Variants in IGF2R observed in about 807,000 individuals in gnomAD.
The protein encoded by IGF2R is insulin like growth factor 2 receptor.
Under a neutral mutation model 270.6 loss-of-function variants are expected in IGF2R, and 91 were observed. The observed-to-expected ratio is 0.34, with a 90% CI of 0.28 to 0.40. The LOEUF is 0.40. IGF2R is among the 10% of genes least tolerant of loss of function. The probability of loss-of-function intolerance (pLI) is 1.00; values close to 1 mark genes in which losing one functional copy is unlikely to be tolerated. For synonymous variants in IGF2R, 1,316 were observed against 1,258.9 expected (o/e 1.05, Z -0.96); for missense variants, 2,805 against 3,188.3 (o/e 0.88, Z 2.90).
intron 39 of IGF2R, among the ~76,000 whole-genome samples, chr6:160,081,511 G>A (rs1048410418): frequency 6.6e-6 from 1 of 152,220 alleles, no homozygotes; most frequent in Non-Finnish European, 1.5e-5. Flanking sequence ...ATGTCCCACT[G>A]TGCACACATT....
chr6:160,004,360 G>A lies in IGF2R; in HGVS notation c.290-4650G>A, dbSNP rs553087167. The A allele has an allele frequency of 1.3e-4, 20 of 152,594 alleles. 1 individual carries two copies. The highest frequency in any genetic ancestry group is 4.6e-4 in the African/African-American group (19 of 41,588). The allele number at this position is 152,594 out of a possible 1,614,324, so 9.5% of individuals were successfully genotyped here. A position where few individuals can be genotyped will look rare whatever the true frequency, so the allele number is the denominator to read the frequency against. On this transcript the variant is annotated intron_variant, in intron 2 of 47. Transcript: ENST00000356956. The surrounding 1 kb of genome is among the most constrained non-coding windows in gnomAD (Gnocchi z 5.2). The stretch of plus-strand genomic sequence containing the variant: ...ACCATGGGCTTGCTTGGGCTTGGAG[G>A]TGCGACCTGGTGGGCCTGCAGAATG...
intron 12 of IGF2R, among the ~76,000 whole-genome samples, chr6:160,043,718 C>T (rs1339915598): frequency 6.6e-6 from 1 of 152,214 alleles, no homozygotes; most frequent in African/African-American, 2.4e-5. Context: ...GCTTCGCTTC[C>T]TTTTGCTGTC....
chr6:160,060,636 G>C lies in IGF2R; in HGVS notation c.3181G>C (p.Gly1061Arg). The change falls in exon 23 of 48, where the codon GGG becomes CGG. Residue 1061 changes from glycine to arginine, a missense_variant. Gly to Arg is a moderately radical substitution (Grantham distance 125). This residue lies in a region of IGF2R where 1,851 missense variants were observed against 2,207.2 expected (regional missense o/e 0.84). Coordinates refer to ENST00000356956, the MANE Select transcript of IGF2R (RefSeq NM_000876.4). ...ATTCCTGCATCAAGATATCGACTCT[G>C]GGCAAGGGATCCGAAACACTTACTT... ...LKFLHQDIDS[G>R]QGIRNTYFEF... The C allele has an allele frequency of 1.2e-6, 2 of 1,614,242 alleles. No individual in the cohort carries two copies. Among genetic ancestry groups the C allele is most frequent in the Admixed American group, 1.7e-5 (1 of 60,034 alleles).
At chr6:160,017,280 T>C (rs1341360513) in intron 4 of IGF2R, among the ~76,000 whole-genome samples, 1 of 152,206 alleles carries the variant, frequency 6.6e-6, no homozygotes, top group Non-Finnish European at 1.5e-5. Context: ...ATCTCAGAAC[T>C]TGAAGACAGG....
chr6:160,026,758 A>G, intron 5 of IGF2R, among the ~76,000 whole-genome samples: 1 of 152,252 alleles, frequency 6.6e-6, no homozygotes, highest in Non-Finnish European at 1.5e-5. Context: ...TAGTTAGACC[A>G]ACGTTATCGA....
chr6:160,000,733 T>TG (rs1784115249), intron 2 of IGF2R, among the ~76,000 whole-genome samples: 1 of 137,600 alleles, frequency 7.3e-6, no homozygotes, highest in African/African-American at 2.8e-5. Flanking sequence ...AGGTTGTTTT[T>TG]TTTTTTTTTT....
rs116764535 is a variant in IGF2R, at chr6:159,996,987, G to C, written c.289+5664G>C. Among the ~76,000 whole-genome samples the C allele has an allele frequency of 5.3e-3, 807 of 152,326 alleles. 10 individuals carry two copies. Among genetic ancestry groups the C allele is most frequent in the African/African-American group, 0.019 (781 of 41,568 alleles). Reference sequence around the variant, plus strand: ...CCAACCTGTGGGAGCAGCCATGACTGTGCCCACAGCAGTGGGTAGAGGGTG... The same window carrying C: ...CCAACCTGTGGGAGCAGCCATGACTCTGCCCACAGCAGTGGGTAGAGGGTG... On this transcript the variant is annotated intron_variant, in intron 2 of 47. Coordinates refer to ENST00000356956, the MANE Select transcript of IGF2R (RefSeq NM_000876.4).
intron 44 of IGF2R, among the ~76,000 whole-genome samples, chr6:160,092,420 A>T (rs1043913808): frequency 2.0e-5 from 3 of 152,272 alleles, no homozygotes; most frequent in African/African-American, 7.2e-5. Context: ...TGGTATGTCT[A>T]GCAGACCTTT....
At chr6:160,100,713 C>A in intron 45 of IGF2R, among the ~76,000 whole-genome samples, 1 of 100,984 alleles carries the variant, frequency 9.9e-6, no homozygotes, top group African/African-American at 3.9e-5. Context: ...GCAGGCAAGT[C>A]AGCAATTTCC....
chr6:159,989,274 C>T (rs981025079), intron 1 of IGF2R, among the ~76,000 whole-genome samples: 1 of 152,150 alleles, frequency 6.6e-6, no homozygotes, highest in African/African-American at 2.4e-5. Flanking sequence ...GCTCTTTCTC[C>T]TCCATTGCTG....
At chr6:160,061,012 C>G (rs543631097) in intron 23 of IGF2R, among the ~76,000 whole-genome samples, 3 of 152,172 alleles carry the variant, frequency 2.0e-5, no homozygotes, top group African/African-American at 7.2e-5. Flanking sequence ...TTCACATGTA[C>G]TGTCAGAGCT....
intron 19 of IGF2R, among the ~76,000 whole-genome samples, chr6:160,052,182 C>T (rs1778214857): frequency 6.6e-6 from 1 of 152,104 alleles, no homozygotes; most frequent in Non-Finnish European, 1.5e-5. Context: ...AGCCCCTTGG[C>T]AACAGAGCAA....
chr6:160,103,069 C>T (rs977598332), intron 46 of IGF2R, among the ~76,000 whole-genome samples: 22 of 152,078 alleles, frequency 1.4e-4, no homozygotes, highest in African/African-American at 5.1e-4. Flanking sequence ...CATCCTTTTG[C>T]GCCACTTTGC....
chr6:159,990,778 T>C (rs756940617), intron 1 of IGF2R, among the ~76,000 whole-genome samples: 2 of 152,180 alleles, frequency 1.3e-5, no homozygotes, highest in African/African-American at 4.8e-5. Flanking sequence ...TATAGGCGTG[T>C]GCCACCACGC....
At chr6:160,103,511 T>C (rs910652378) in intron 46 of IGF2R, among the ~76,000 whole-genome samples, 2 of 152,188 alleles carry the variant, frequency 1.3e-5, no homozygotes, top group African/African-American at 2.4e-5. Context: ...TAAGTTGCTC[T>C]AGAGGGCCCT....
intron 12 of IGF2R, 108 bp from the exon 13 acceptor site, chr6:160,044,406 A>T: frequency 4.7e-6 from 5 of 1,060,526 alleles, no homozygotes; most frequent in African/African-American, 1.6e-5. Flanking sequence ...GTTTGGGCTG[A>T]TTTCTTTCTT....
intron 44 of IGF2R, among the ~76,000 whole-genome samples, chr6:160,090,491 A>G (rs1317295158): frequency 2.0e-5 from 3 of 152,228 alleles, no homozygotes; most frequent in South Asian, 2.1e-4. Context: ...TATATTTGTA[A>G]GAAGGATGAA....
intron 44 of IGF2R, among the ~76,000 whole-genome samples, chr6:160,092,918 C>T (rs1183193266): frequency 6.6e-6 from 1 of 152,198 alleles, no homozygotes; most frequent in Non-Finnish European, 1.5e-5. Flanking sequence ...GGAGTCCACA[C>T]AAGGGTTCCT....
intron 45 of IGF2R, among the ~76,000 whole-genome samples, chr6:160,100,708 C>A (rs1314485979): frequency 1.9e-5 from 2 of 107,570 alleles, no homozygotes; most frequent in Admixed American, 1.0e-4. Context: ...ACAAAGCAGG[C>A]AAGTCAGCAA....
Sources: gnomAD v4.1 joint callset for allele counts (sites outside exome capture counted in the v4.1 genomes callset) on GRCh38, gnomAD v4.1.1 for gene constraint, gnomAD v4.1.1 regional missense constraint, Gnocchi (gnomAD v3.1) non-coding constraint, MANE v1.5 for transcripts, NCBI Gene and HGNC (gene_info 2026-07-23, HGNC 2026-07-21) for gene names.